Variants in CDH13 observed in about 807,000 individuals in gnomAD.
CDH13 encodes cadherin-13.
A neutral mutation model predicts 63.8 loss-of-function variants in CDH13; 24 were observed. The ratio of observed to expected loss-of-function variants is 0.38; its 90% CI spans 0.27 to 0.53. The LOEUF (loss-of-function observed/expected upper bound fraction) is 0.53. CDH13 is among the 20% of genes least tolerant of loss of function. The pLI is 0.85. For synonymous variants in CDH13, 503 were observed against 355.3 expected (o/e 1.42, Z -4.67); for missense variants, 1,049 against 903.1 (o/e 1.16, Z -2.07).
intron 3 of CDH13, among the ~76,000 whole-genome samples, chr16:83,087,882 T>A (rs181906514): frequency 7.9e-5 from 12 of 152,208 alleles, no homozygotes; most frequent in Middle Eastern, 3.4e-3. Context: ...GATGGTTTCA[T>A]AGGTAGTAAT....
At chr16:83,005,260 C>T (rs536246886) in intron 2 of CDH13, among the ~76,000 whole-genome samples, 1 of 152,280 alleles carries the variant, frequency 6.6e-6, no homozygotes, top group Non-Finnish European at 1.5e-5. Context: ...ATTTCATTGT[C>T]TCCACTCAAA....
At chr16:83,062,307 A>G (rs1363699180) in intron 3 of CDH13, among the ~76,000 whole-genome samples, 1 of 152,148 alleles carries the variant, frequency 6.6e-6, no homozygotes, top group Non-Finnish European at 1.5e-5. Context: ...AGCATTTGTT[A>G]CACTTTCACA....
At chr16:83,516,782 A>G (rs143051964) in intron 7 of CDH13, among the ~76,000 whole-genome samples, 114 of 152,362 alleles carry the variant, frequency 7.5e-4, no homozygotes, top group African/African-American at 2.0e-3. Context: ...GAAGATGTCA[A>G]AAAGATATTG....
chr16:83,527,887 A>G (rs1287889107), intron 7 of CDH13, among the ~76,000 whole-genome samples: 1 of 152,212 alleles, frequency 6.6e-6, no homozygotes, highest in Non-Finnish European at 1.5e-5. Context: ...TACCACTTTA[A>G]TGTTAATTTA....
intron 6 of CDH13, among the ~76,000 whole-genome samples, chr16:83,406,834 A>G (rs558260706): frequency 2.0e-5 from 3 of 152,282 alleles, no homozygotes; most frequent in East Asian, 3.9e-4. Flanking sequence ...TTTTTTGTCT[A>G]TCAATGAAGA....
intron 1 of CDH13, among the ~76,000 whole-genome samples, chr16:82,703,230 C>CAA (rs34561126): frequency 6.7e-6 from 1 of 148,606 alleles, no homozygotes; most frequent in Non-Finnish European, 1.5e-5. Flanking sequence ...CACACACACA[C>CAA]AATGTTATAA....
chr16:83,463,718 C>A (rs1194432706), intron 6 of CDH13, among the ~76,000 whole-genome samples: 1 of 152,132 alleles, frequency 6.6e-6, no homozygotes, highest in Non-Finnish European at 1.5e-5. Flanking sequence ...GGTGGGAGGA[C>A]CACTTGAGCC....
intron 6 of CDH13, among the ~76,000 whole-genome samples, chr16:83,394,529 A>T (rs769470597): frequency 6.6e-6 from 1 of 152,180 alleles, no homozygotes; most frequent in East Asian, 1.9e-4. Context: ...GAGCAGAAGC[A>T]GGGGGAGCAG....
At chr16:83,522,022 G>A in intron 7 of CDH13, among the ~76,000 whole-genome samples, 1 of 152,174 alleles carries the variant, frequency 6.6e-6, no homozygotes, top group East Asian at 1.9e-4. Flanking sequence ...TCCATCAGCT[G>A]TTAAATGCCT....
intron 2 of CDH13, among the ~76,000 whole-genome samples, chr16:82,950,549 C>G (rs1457788058): frequency 4.6e-5 from 7 of 152,146 alleles, no homozygotes; most frequent in African/African-American, 1.7e-4. Flanking sequence ...TTCTCATTCT[C>G]TTTTTCACTT....
At position 83,211,904 on chromosome 16, in the gene CDH13, A is replaced by G. The variant is rs926013278; in HGVS notation, c.484-5441A>G. Among the ~76,000 whole-genome samples the G allele has an allele frequency of 7.2e-5, 11 of 152,092 alleles. 1 individual carries two copies. Among genetic ancestry groups the G allele is most frequent in the Admixed American group, 6.6e-4 (10 of 15,266 alleles). ...AGCTATTTTTTCCATTCCAACTCAG[A>G]GGACAAGAAAAAAAAACATCCCACT... On this transcript the variant is annotated intron_variant, in intron 4 of 13. Coordinates refer to ENST00000567109, the MANE Select transcript of CDH13 (RefSeq NM_001257.5).
chr16:83,534,716 C>G (rs904989768), intron 7 of CDH13, among the ~76,000 whole-genome samples: 2 of 152,212 alleles, frequency 1.3e-5, no homozygotes, highest in South Asian at 2.1e-4. Context: ...GTTTGCCTAT[C>G]CTTTCACTGA....
intron 5 of CDH13, among the ~76,000 whole-genome samples, chr16:83,297,928 G>T (rs537467021): frequency 6.6e-6 from 1 of 151,584 alleles, no homozygotes; most frequent in Non-Finnish European, 1.5e-5. Flanking sequence ...AAAGAAGATG[G>T]AACCCAGCAC....
At chr16:83,015,766 C>T (rs1244075933) in intron 2 of CDH13, among the ~76,000 whole-genome samples, 1 of 136,244 alleles carries the variant, frequency 7.3e-6, no homozygotes, top group African/African-American at 2.7e-5. Flanking sequence ...CTTAGACTTG[C>T]CGTGGGTATG....
At chr16:82,970,410 T>TTG (rs1491088627) in intron 2 of CDH13, among the ~76,000 whole-genome samples, 2 of 120,630 alleles carry the variant, frequency 1.7e-5, no homozygotes, top group African/African-American at 6.3e-5. Flanking sequence ...TTTTTTTTTT[T>TTG]GAGACGGAGT....
rs185919294 is a variant in CDH13 at position 83,212,521 on chromosome 16, A to G, written c.484-4824A>G. 7.2e-3 allele frequency among the ~76,000 whole-genome samples: 1,102 copies of G among 152,128 alleles called. 5 individuals are homozygous for G. Among genetic ancestry groups the G allele is most frequent in the Non-Finnish European group, 0.012 (838 of 67,984 alleles). On this transcript the variant is annotated intron_variant, in intron 4 of 13. Transcript: ENST00000567109. Reference sequence around the variant, plus strand: ...CATCTAGTGACTTTAAGAAAAACCAACTCTGCTTTCTGAGGTCTTAGAAAC... The same window carrying G: ...CATCTAGTGACTTTAAGAAAAACCAGCTCTGCTTTCTGAGGTCTTAGAAAC...
At chr16:83,541,375 C>G (rs1204977235) in intron 7 of CDH13, among the ~76,000 whole-genome samples, 1 of 152,186 alleles carries the variant, frequency 6.6e-6, no homozygotes, top group South Asian at 2.1e-4. Context: ...TCTTCAGTCC[C>G]TCACATTCCC....
chr16:83,399,634 G>A (rs1306596594), intron 6 of CDH13, among the ~76,000 whole-genome samples: 1 of 152,172 alleles, frequency 6.6e-6, no homozygotes. Flanking sequence ...TGACTTCTGA[G>A]ATGAGGTCAT....
chr16:83,183,305 T>C (rs554443499), intron 4 of CDH13, among the ~76,000 whole-genome samples: 1 of 152,368 alleles, frequency 6.6e-6, no homozygotes, highest in African/African-American at 2.4e-5. Context: ...CTCTTGTCTG[T>C]TGACTTGCAG....
Sources: allele counts gnomAD v4.1 joint callset (sites outside exome capture counted in the v4.1 genomes callset), GRCh38; gene constraint gnomAD v4.1.1; transcripts MANE v1.5; gene names NCBI Gene and HGNC (gene_info 2026-07-23, HGNC 2026-07-21).